Variants in ZSWIM6 observed in about 807,000 individuals in gnomAD.
ZSWIM6 encodes the protein zinc finger SWIM domain-containing protein 6.
ZSWIM6 carries 9 observed loss-of-function variants against 113.2 expected under a neutral mutation model. The observed-to-expected ratio is 0.08, with a 90% CI of 0.05 to 0.14. The LOEUF is 0.14. Among genes scored for constraint, ZSWIM6 ranks in the 10% least tolerant of loss-of-function variants. The probability of loss-of-function intolerance (pLI) is 1.00; values close to 1 mark genes in which losing one functional copy is unlikely to be tolerated. For synonymous variants in ZSWIM6, 611 were observed against 606.5 expected, an observed-to-expected ratio of 1.01 and a Z score of -0.11; for missense variants, 1,162 against 1,552.2, an observed-to-expected ratio of 0.75 and a Z score of 4.22.
chr5:61,467,734 G>T (rs1176181600), intron 1 of ZSWIM6, among the ~76,000 whole-genome samples: 1 of 152,156 alleles, frequency 6.6e-6, no homozygotes, highest in Admixed American at 6.5e-5. Flanking sequence ...CTATTTGTGA[G>T]TTGACAGAAC....
intron 7 of ZSWIM6, 133 bp from the exon 8 acceptor site, chr5:61,529,917 AAG>A (rs1237832320): frequency 1.2e-5 from 9 of 754,614 alleles, no homozygotes; most frequent in Non-Finnish European, 1.8e-5. Flanking sequence ...TCTTAATTAA[AAG>A]AGAATTTCGA....
At chr5:61,420,441 T>C (rs1746332606) in intron 1 of ZSWIM6, among the ~76,000 whole-genome samples, 1 of 152,218 alleles carries the variant, frequency 6.6e-6, no homozygotes, top group Non-Finnish European at 1.5e-5. Context: ...AATAAGGTTT[T>C]AAAATGTTCT....
At chr5:61,432,047 A>G (rs371549434) in intron 1 of ZSWIM6, among the ~76,000 whole-genome samples, 49 of 152,306 alleles carry the variant, frequency 3.2e-4, no homozygotes, top group Middle Eastern at 6.8e-3. Flanking sequence ...CATGTCTTCA[A>G]ATGTTAATTT....
intron 1 of ZSWIM6, among the ~76,000 whole-genome samples, chr5:61,446,378 G>A (rs10041978): frequency 0.61 from 92,645 of 152,072 alleles, 30,631 homozygotes; most frequent in African/African-American, 0.87. Context: ...TAACTACTTT[G>A]TGATCTGTGA....
At chr5:61,398,132 G>A (rs536412488) in intron 1 of ZSWIM6, among the ~76,000 whole-genome samples, 13 of 152,208 alleles carry the variant, frequency 8.5e-5, no homozygotes, top group South Asian at 4.2e-4. Context: ...CACAGCAGGG[G>A]TCCCCAACCC....
Position 61,451,067 on chromosome 5 carries a change from CATTGTGATCAAT to C in ZSWIM6, c.677-21612_677-21601del, listed in dbSNP as rs1251655066. Among the ~76,000 whole-genome samples, 7 of 152,144 alleles carry C rather than the reference CATTGTGATCAAT, an allele frequency of 4.6e-5. No individual in the cohort carries two copies. The East Asian group carries it at 1.3e-3, about 29-fold the overall frequency. Reference sequence around the variant, plus strand: ...ACCATCTGGCTAGTGTGGTTGTTGTCATTGTGATCAATAAAGACAGCTTTGATTTATGAGCAA... The same window carrying C: ...ACCATCTGGCTAGTGTGGTTGTTGTCAAAGACAGCTTTGATTTATGAGCAA... On this transcript the variant is annotated intron_variant, in intron 1 of 13. Transcript: ENST00000252744.
chr5:61,432,104 A>T (rs1484890858), intron 1 of ZSWIM6, among the ~76,000 whole-genome samples: 1 of 152,218 alleles, frequency 6.6e-6, no homozygotes, highest in African/African-American at 2.4e-5. Context: ...CAGACTTGTC[A>T]AACAAAGGAC....
chr5:61,342,578 A>T (rs1744571247), intron 1 of ZSWIM6, among the ~76,000 whole-genome samples: 1 of 152,198 alleles, frequency 6.6e-6, no homozygotes. Context: ...CATCATCATT[A>T]CCTATTCCAG....
chr5:61,407,174 A>T (rs1746061166), intron 1 of ZSWIM6, among the ~76,000 whole-genome samples: 1 of 152,234 alleles, frequency 6.6e-6, no homozygotes, highest in African/African-American at 2.4e-5. Context: ...GCAGCCTAAA[A>T]TTCCTCTGAG....
At position 61,472,861 on chromosome 5, in the gene ZSWIM6, C is replaced by G; in HGVS notation, c.857C>G (p.Pro286Arg). ...VALSLYRIRKPDQVKLHLPIS... is the reference protein window; with the variant it reads ...VALSLYRIRKRDQVKLHLPIS... ...CTGTCTTTATACCGCATCCGCAAGC[C>G]AGATCAGGTCAAACTGCATCTTCCT... is the stretch of plus-strand genomic sequence containing the variant. The change falls in exon 2 of 14, where the codon CCA (proline) becomes CGA (arginine). Residue 286 changes from proline (P) to arginine (R), a missense_variant. Coordinates refer to ENST00000252744, the MANE Select transcript of ZSWIM6 (RefSeq NM_020928.2). This position sits in a 1 kb window ranked among gnomAD's most constrained non-coding sequence, Gnocchi z 4.1. 6.4e-7 allele frequency: 1 copy of G among 1,551,700 alleles called. No homozygotes were observed. The highest frequency in any genetic ancestry group is 1.2e-5 in the South Asian group (1 of 84,054).
chr5:61,523,012 T>C (rs1176877022), intron 5 of ZSWIM6, among the ~76,000 whole-genome samples: 1 of 152,226 alleles, frequency 6.6e-6, no homozygotes, highest in East Asian at 1.9e-4. Context: ...ATTTCGCTTA[T>C]GGTTTGGCCT....
chr5:61,407,721 T>C (rs139585699), intron 1 of ZSWIM6, among the ~76,000 whole-genome samples: 2 of 152,182 alleles, frequency 1.3e-5, no homozygotes, highest in African/African-American at 4.8e-5. Flanking sequence ...TTCTAAAATA[T>C]ATAAAAAGAT....
At chr5:61,488,452 G>C (rs1448098967) in intron 2 of ZSWIM6, among the ~76,000 whole-genome samples, 1 of 151,876 alleles carries the variant, frequency 6.6e-6, no homozygotes, top group African/African-American at 2.4e-5. Context: ...TTCTTCCTAC[G>C]TTTGGTAGAA....
chr5:61,358,473 C>G (rs1039858348), intron 1 of ZSWIM6, among the ~76,000 whole-genome samples: 5 of 152,144 alleles, frequency 3.3e-5, no homozygotes, highest in Non-Finnish European at 7.4e-5. Flanking sequence ...GTTCTGAATT[C>G]CAGTTGACTG....
chr5:61,442,771 T>C (rs1157162690), intron 1 of ZSWIM6, among the ~76,000 whole-genome samples: 1 of 152,198 alleles, frequency 6.6e-6, no homozygotes, highest in Non-Finnish European at 1.5e-5. Flanking sequence ...TTACAGTGAA[T>C]TAAGAATATT....
intron 1 of ZSWIM6, among the ~76,000 whole-genome samples, chr5:61,454,331 C>G (rs1009875111): frequency 2.6e-5 from 4 of 151,626 alleles, no homozygotes; most frequent in African/African-American, 9.7e-5. Context: ...TTATGGTTTA[C>G]TGCAGCCTCA....
At chr5:61,362,625 C>T (rs1424656949) in intron 1 of ZSWIM6, among the ~76,000 whole-genome samples, 1 of 152,136 alleles carries the variant, frequency 6.6e-6, no homozygotes, top group African/African-American at 2.4e-5. Context: ...CCTCTATCTG[C>T]CCTCTAAATG....
rs563703522 is a variant in ZSWIM6, at chr5:61,362,541, T to G, written c.676+29593T>G. On this transcript the variant is annotated intron_variant, in intron 1 of 13. Coordinates refer to ENST00000252744, the MANE Select transcript of ZSWIM6 (RefSeq NM_020928.2). ...GGTTTTCCCTGCAGTAGAAGAAGCT[T>G]GCACAGGGAGCCTCAGCTCATGATT... is the stretch of plus-strand genomic sequence containing the variant. Among the ~76,000 whole-genome samples, 29 of 152,272 alleles carry G rather than the reference T, an allele frequency of 1.9e-4. 1 individual carries two copies. The South Asian group carries it at 5.4e-3, about 28-fold the overall frequency.
intron 7 of ZSWIM6, among the ~76,000 whole-genome samples, chr5:61,527,957 T>G (rs1749330894): frequency 6.6e-6 from 1 of 152,172 alleles, no homozygotes; most frequent in Admixed American, 6.5e-5. Context: ...TTTGATTGTC[T>G]TTGAGATAAT....
Sources: allele counts gnomAD v4.1 joint callset (sites outside exome capture counted in the v4.1 genomes callset), GRCh38; gene constraint gnomAD v4.1.1; non-coding constraint Gnocchi (gnomAD v3.1); transcripts MANE v1.5; gene names NCBI Gene and HGNC (gene_info 2026-07-23, HGNC 2026-07-21).